The following GAB2 variants were observed in gnomAD, a reference collection of about 807,000 sequenced individuals.
GAB2 encodes GRB2-associated-binding protein 2.
GAB2 carries 26 observed loss-of-function variants against 65.5 expected under a neutral mutation model. That is an observed-to-expected ratio of 0.40 (90% CI 0.29 to 0.55). GAB2 has a LOEUF of 0.55. GAB2 is among the 20% of genes least tolerant of loss of function. The probability of loss-of-function intolerance (pLI) is 0.53; values close to 1 mark genes in which losing one functional copy is unlikely to be tolerated. For synonymous variants in GAB2, 321 were observed against 329.6 expected (o/e 0.97, Z 0.28); for missense variants, 884 against 875.8 (o/e 1.01, Z -0.12).
chr11:78,327,710 CA>C lies in GAB2; in HGVS notation c.76-46810del, dbSNP rs369528980. Among the ~76,000 whole-genome samples the C allele has an allele frequency of 1.3e-4, 20 of 152,104 alleles. No homozygotes were observed. The South Asian group carries it at 2.9e-3, about 22-fold the overall frequency. ...CCTTGAAAAACAATGGTGAGCCCCC[CA>C]AATTTTGAAAATAATAATACATTTA... is the stretch of plus-strand genomic sequence containing the variant. On this transcript the variant is annotated intron_variant, in intron 1 of 9. Coordinates refer to ENST00000361507, the MANE Select transcript of GAB2 (RefSeq NM_080491.3).
At position 78,286,121 on chromosome 11, in the gene GAB2, T is replaced by C. The variant is rs567265593; in HGVS notation, c.76-5220A>G. 5.3e-5 allele frequency among the ~76,000 whole-genome samples: 8 copies of C among 152,344 alleles called. No individual in the cohort carries two copies. In the South Asian group the frequency reaches 1.7e-3, roughly 32 times the overall value. The stretch of plus-strand genomic sequence containing the variant: ...TACTATGCTCTAGGTATTATTCTAA[T>C]GCTGAGGATACAGCATGAATTCCTC... On this transcript the variant is annotated intron_variant, in intron 1 of 9. Coordinates refer to ENST00000361507, the MANE Select transcript of GAB2 (RefSeq NM_080491.3).
chr11:78,349,260 C>T (rs2134701945), intron 1 of GAB2, among the ~76,000 whole-genome samples: 1 of 152,254 alleles, frequency 6.6e-6, no homozygotes, highest in Middle Eastern at 3.4e-3. Context: ...CTACTACCTC[C>T]CATATCTCAC....
intron 1 of GAB2, among the ~76,000 whole-genome samples, chr11:78,322,205 C>T (rs1370587737): frequency 3.5e-5 from 5 of 144,650 alleles, no homozygotes; most frequent in Non-Finnish European, 7.5e-5. Context: ...CTCAGGAGGC[C>T]GAGGCAGGAG....
intron 3 of GAB2, among the ~76,000 whole-genome samples, chr11:78,242,334 C>A (rs1459433088): frequency 6.6e-6 from 1 of 152,014 alleles, no homozygotes; most frequent in Non-Finnish European, 1.5e-5. Context: ...AACCCCATCT[C>A]TACTAAAAAT....
chr11:78,247,405 T>C (rs1329654122), intron 3 of GAB2, among the ~76,000 whole-genome samples: 5 of 152,162 alleles, frequency 3.3e-5, no homozygotes, highest in African/African-American at 9.7e-5. Context: ...ACCTATTATA[T>C]CCTTTACCCA....
intron 4 of GAB2, among the ~76,000 whole-genome samples, chr11:78,225,404 T>G (rs1413810828): frequency 6.6e-6 from 1 of 152,256 alleles, no homozygotes; most frequent in African/African-American, 2.4e-5. Context: ...GCTCCAGTGT[T>G]AGCATCTGCA....
At chr11:78,403,450 TC>T (rs1857000285) in intron 1 of GAB2, among the ~76,000 whole-genome samples, 1 of 152,188 alleles carries the variant, frequency 6.6e-6, no homozygotes, top group South Asian at 2.1e-4. Flanking sequence ...AGGACAGAAG[TC>T]ACCTTTGACA....
Position 78,217,838 on chromosome 11 carries a change from C to T in GAB2, c.*1434G>A, listed in dbSNP as rs1372330987. 1 of 152,258 alleles carries T rather than the reference C, an allele frequency of 6.6e-6. No homozygotes were observed. Among genetic ancestry groups the T allele is most frequent in the Admixed American group, 6.5e-5 (1 of 15,270 alleles). 9.4% of individuals were successfully genotyped at this position (152,258 alleles called of 1,614,324 possible). On this transcript the variant is annotated 3_prime_UTR_variant, in exon 10 of 10. Transcript: ENST00000361507. ...GGCCGGCACCAGGCCAGACTCGTTC[C>T]TACCCTGCGATCTGACATACGCCAC...
At chr11:78,265,468 G>A (rs1229757637) in intron 2 of GAB2, among the ~76,000 whole-genome samples, 2 of 152,088 alleles carry the variant, frequency 1.3e-5, no homozygotes, top group Non-Finnish European at 2.9e-5. Context: ...CTCATTCTAT[G>A]AAATCTATTC....
At chr11:78,370,723 G>A (rs1856560889) in intron 1 of GAB2, among the ~76,000 whole-genome samples, 1 of 146,976 alleles carries the variant, frequency 6.8e-6, no homozygotes, top group African/African-American at 2.7e-5. Context: ...GTGTGTGTGT[G>A]TATGTGTGTG....
rs878921442 is a variant in GAB2, at chr11:78,219,197, G to A, written c.*75C>T. 91 of 1,357,778 alleles carry A rather than the reference G, an allele frequency of 6.7e-5. No homozygotes were observed. The highest frequency in any genetic ancestry group is 4.3e-4 in the South Asian group (35 of 81,004). 84.1% of individuals were successfully genotyped at this position (1,357,778 alleles called of 1,614,324 possible). A position where few individuals can be genotyped will look rare whatever the true frequency, so the allele number is the denominator to read the frequency against. ...AGAGGAGGTGGATGGGAGGAAGAACGGGAGAGGGGAGAGGGGAGATGGGAA... is the reference window on the plus strand; with the variant it reads ...AGAGGAGGTGGATGGGAGGAAGAACAGGAGAGGGGAGAGGGGAGATGGGAA... On this transcript the variant is annotated 3_prime_UTR_variant, in exon 10 of 10. Transcript: ENST00000361507.
At chr11:78,405,727 C>T (rs1346685165) in intron 1 of GAB2, among the ~76,000 whole-genome samples, 6 of 152,212 alleles carry the variant, frequency 3.9e-5, no homozygotes, top group Middle Eastern at 6.8e-3. Context: ...TTGCTAGGGA[C>T]CCTGGAACCC....
At chr11:78,251,147 A>G (rs1297947069) in intron 2 of GAB2, among the ~76,000 whole-genome samples, 2 of 151,846 alleles carry the variant, frequency 1.3e-5, no homozygotes, top group African/African-American at 4.9e-5. Flanking sequence ...ATCTAATTAC[A>G]GGAAAAAAAA....
chr11:78,381,673 A>G (rs1856699482), intron 1 of GAB2, among the ~76,000 whole-genome samples: 1 of 143,644 alleles, frequency 7.0e-6, no homozygotes, highest in South Asian at 2.4e-4. Context: ...AGGTAAATAG[A>G]TAAAAAAAAA....
intron 1 of GAB2, among the ~76,000 whole-genome samples, chr11:78,381,114 A>G (rs891127511): frequency 6.6e-6 from 1 of 152,182 alleles, no homozygotes; most frequent in African/African-American, 2.4e-5. Flanking sequence ...TAAGGTTGAC[A>G]ATACCAAATT....
At chr11:78,272,420 G>A (rs1031569430) in intron 2 of GAB2, among the ~76,000 whole-genome samples, 1 of 152,242 alleles carries the variant, frequency 6.6e-6, no homozygotes, top group Non-Finnish European at 1.5e-5. Flanking sequence ...GGAAACTGGA[G>A]CAAAGGTGAC....
chr11:78,233,117 G>T (rs1030104745), intron 3 of GAB2, among the ~76,000 whole-genome samples: 1 of 145,406 alleles, frequency 6.9e-6, no homozygotes, highest in Non-Finnish European at 1.5e-5. Flanking sequence ...TCAGCTCACT[G>T]CAACCTCCGC....
intron 1 of GAB2, among the ~76,000 whole-genome samples, chr11:78,352,471 A>G (rs528808137): frequency 1.3e-5 from 2 of 152,350 alleles, no homozygotes; most frequent in South Asian, 4.1e-4. Context: ...GCATGTGATA[A>G]GCTGAAAGGA....
In GAB2 at chr11:78,226,825, T is replaced by C. The variant is rs759032495; in HGVS notation, c.847A>G (p.Thr283Ala). 6.2e-7 allele frequency: 1 copy of C among 1,614,020 alleles called. No individual in the cohort carries two copies. The highest frequency in any genetic ancestry group is 8.5e-7 in the Non-Finnish European group (1 of 1,179,892). ...ASHGHTKGSL[T>A]GSETDNEDVY... is the part of the protein sequence containing the mutation. Reference sequence around the variant, plus strand: ...TCCTCATTATCTGTCTCGGAGCCTGTGAGGCTGCCCTTGGTGTGGCCATGG... The same window carrying C: ...TCCTCATTATCTGTCTCGGAGCCTGCGAGGCTGCCCTTGGTGTGGCCATGG... The change falls in exon 4 of 10, where the codon ACA (threonine) becomes GCA (alanine). Residue 283 changes from threonine (T) to alanine (A), a missense_variant. Physicochemically the swap from Thr to Ala is moderately conservative, Grantham distance 58. Coordinates refer to ENST00000361507, the MANE Select transcript of GAB2 (RefSeq NM_080491.3).
Sources: gnomAD v4.1 joint callset for allele counts (sites outside exome capture counted in the v4.1 genomes callset) on GRCh38, gnomAD v4.1.1 for gene constraint, MANE v1.5 for transcripts, NCBI Gene and HGNC (gene_info 2026-07-23, HGNC 2026-07-21) for gene names.